NEGR1: variants seen among roughly 807,000 people sequenced by gnomAD.
NEGR1 encodes the protein neuronal growth regulator 1.
In NEGR1, 10 loss-of-function variants were observed where a neutral mutation model predicts 40.9. The observed-to-expected ratio is 0.24, with a 90% confidence interval of 0.15 to 0.42. The LOEUF (loss-of-function observed/expected upper bound fraction) is 0.42, where lower values mean the gene tolerates loss of function less well. NEGR1 is among the 10% of genes least tolerant of loss of function. The probability of loss-of-function intolerance (pLI) is 1.00; values close to 1 mark genes in which losing one functional copy is unlikely to be tolerated. For missense variants in NEGR1, 352 were observed against 438.9 expected (o/e 0.80, Z 1.77); for synonymous variants, 185 against 166.8 (o/e 1.11, Z -0.84).
intron 4 of NEGR1, among the ~76,000 whole-genome samples, chr1:71,672,832 G>C (rs1652479469): frequency 6.6e-6 from 1 of 152,154 alleles, no homozygotes; most frequent in Non-Finnish European, 1.5e-5. Flanking sequence ...AATGAGCTAG[G>C]ATGAGAGTAT....
intron 6 of NEGR1, among the ~76,000 whole-genome samples, chr1:71,560,359 G>T (rs2101479514): frequency 6.7e-6 from 1 of 148,254 alleles, no homozygotes; most frequent in Admixed American, 6.9e-5. Context: ...GCTATCAGGA[G>T]AGAAAACAAA....
chr1:71,878,080 G>A (rs1282382233), intron 2 of NEGR1, among the ~76,000 whole-genome samples: 2 of 152,094 alleles, frequency 1.3e-5, no homozygotes, highest in Non-Finnish European at 2.9e-5. Context: ...GGAAAATGCC[G>A]ACTCTTACTA....
At chr1:72,254,789 C>T (rs555814770) in intron 1 of NEGR1, among the ~76,000 whole-genome samples, 15 of 150,636 alleles carry the variant, frequency 1.0e-4, no homozygotes, top group African/African-American at 2.9e-4. Context: ...ACATGAAATG[C>T]TTTTCTTTCC....
At chr1:71,934,533 T>C (rs1489658496) in intron 2 of NEGR1, among the ~76,000 whole-genome samples, 1 of 152,134 alleles carries the variant, frequency 6.6e-6, no homozygotes, top group Admixed American at 6.6e-5. Flanking sequence ...TGAGACAGAG[T>C]ATTTGAATGC....
chr1:71,737,875 C>G (rs1655089474), intron 3 of NEGR1, among the ~76,000 whole-genome samples: 1 of 152,140 alleles, frequency 6.6e-6, no homozygotes. Flanking sequence ...TTTAGGATCT[C>G]TCTGGCTCAG....
chr1:72,227,977 C>T (rs1171422519), intron 1 of NEGR1, among the ~76,000 whole-genome samples: 1 of 151,992 alleles, frequency 6.6e-6, no homozygotes, highest in Admixed American at 6.6e-5. Flanking sequence ...CATAATAAAG[C>T]AATAATAGCA....
At chr1:72,004,823 G>A (rs1646591999) in intron 1 of NEGR1, among the ~76,000 whole-genome samples, 1 of 152,102 alleles carries the variant, frequency 6.6e-6, no homozygotes, top group African/African-American at 2.4e-5. Flanking sequence ...ATATCCTGGA[G>A]ATTCAGGCTT....
intron 4 of NEGR1, among the ~76,000 whole-genome samples, chr1:71,634,285 TAAGTA>T (rs1240572453): frequency 6.6e-6 from 1 of 152,044 alleles, no homozygotes; most frequent in Non-Finnish European, 1.5e-5. Context: ...TCTCTGATCT[TAAGTA>T]AAGAGCAGGT....
intron 4 of NEGR1, among the ~76,000 whole-genome samples, chr1:71,659,257 G>A (rs1429501343): frequency 6.6e-6 from 1 of 152,108 alleles, no homozygotes; most frequent in Admixed American, 6.5e-5. Context: ...CAGAGGCCAA[G>A]AAAAAGAACA....
chr1:72,221,172 T>C (rs766809595), intron 1 of NEGR1, among the ~76,000 whole-genome samples: 6 of 152,144 alleles, frequency 3.9e-5, no homozygotes, highest in Admixed American at 1.3e-4. Flanking sequence ...TCTCTTATCA[T>C]CATATGGCCT....
chr1:71,750,795 C>G (rs922942105), intron 3 of NEGR1, among the ~76,000 whole-genome samples: 6 of 152,000 alleles, frequency 3.9e-5, no homozygotes, highest in African/African-American at 9.7e-5. Context: ...TTTTAAGAAG[C>G]TTTTTTATTT....
chr1:71,694,367 T>C (rs908718949), intron 4 of NEGR1, among the ~76,000 whole-genome samples: 1 of 151,628 alleles, frequency 6.6e-6, no homozygotes, highest in African/African-American at 2.4e-5. Flanking sequence ...CACAAACACA[T>C]AAGGAAAAAG....
At chr1:71,480,369 T>A (rs926061682) in intron 6 of NEGR1, among the ~76,000 whole-genome samples, 1 of 151,908 alleles carries the variant, frequency 6.6e-6, no homozygotes, top group East Asian at 1.9e-4. Flanking sequence ...CCAACCCTCT[T>A]ACTTTGTTCT....
intron 1 of NEGR1, among the ~76,000 whole-genome samples, chr1:71,989,239 A>G (rs1228534151): frequency 6.6e-6 from 1 of 152,176 alleles, no homozygotes; most frequent in Non-Finnish European, 1.5e-5. Context: ...ATGACTCCCA[A>G]AGTACATGTA....
At chr1:71,532,479 C>T (rs1376057914) in intron 6 of NEGR1, among the ~76,000 whole-genome samples, 4 of 151,536 alleles carry the variant, frequency 2.6e-5, no homozygotes, top group Non-Finnish European at 5.9e-5. Context: ...TACCTTCTTG[C>T]TTCATAATGA....
chr1:72,115,591 CAA>C (rs1649550685), intron 1 of NEGR1, among the ~76,000 whole-genome samples: 1 of 151,578 alleles, frequency 6.6e-6, no homozygotes. Flanking sequence ...TTGAGCCTGA[CAA>C]AAGAGTCTGA....
chr1:71,582,241 A>G (rs1051992452), intron 6 of NEGR1, among the ~76,000 whole-genome samples: 5 of 152,202 alleles, frequency 3.3e-5, no homozygotes, highest in African/African-American at 1.2e-4. Flanking sequence ...ATACAGTACA[A>G]AGGGAAAAAC....
At chr1:72,252,681 G>A (rs988392119) in intron 1 of NEGR1, among the ~76,000 whole-genome samples, 5 of 152,060 alleles carry the variant, frequency 3.3e-5, no homozygotes, top group East Asian at 1.9e-4. Context: ...AGAGAGAGAC[G>A]GAGAGAGTAA....
chr1:71,848,188 C>A (rs1659485689), intron 2 of NEGR1, among the ~76,000 whole-genome samples: 1 of 152,166 alleles, frequency 6.6e-6, no homozygotes, highest in Non-Finnish European at 1.5e-5. Flanking sequence ...AGGAAAGAAG[C>A]TGTTTCCATA....
Sources: gnomAD v4.1 joint callset for allele counts (sites outside exome capture counted in the v4.1 genomes callset) on GRCh38, gnomAD v4.1.1 for gene constraint, MANE v1.5 for transcripts, NCBI Gene and HGNC (gene_info 2026-07-23, HGNC 2026-07-21) for gene names.